The following CENPP variants were observed in gnomAD, a reference collection of about 807,000 sequenced individuals.
The protein encoded by CENPP is centromere protein P.
CENPP carries 24 observed loss-of-function variants against 35.6 expected under a neutral mutation model. That is an observed-to-expected ratio of 0.67 (90% CI 0.49 to 0.95). CENPP has a LOEUF of 0.95. Ranked by LOEUF, CENPP falls within the 40% of genes least tolerant of loss-of-function variation. The pLI, the probability that CENPP is intolerant of heterozygous loss-of-function variation, is 0.00. For synonymous variants in CENPP, 120 were observed against 125.5 expected, an observed-to-expected ratio of 0.96 and a Z score of 0.29; for missense variants, 332 against 345.3, an observed-to-expected ratio of 0.96 and a Z score of 0.31.
At chr9:92,577,015 A>C (rs1231734337) in intron 5 of CENPP, among the ~76,000 whole-genome samples, 3 of 152,238 alleles carry the variant, frequency 2.0e-5, no homozygotes, top group Admixed American at 1.3e-4. Context: ...TACCTACCAG[A>C]ATGGTGGGTA....
At chr9:92,591,084 T>G (rs1284040286) in intron 5 of CENPP, among the ~76,000 whole-genome samples, 5 of 152,166 alleles carry the variant, frequency 3.3e-5, no homozygotes, top group Non-Finnish European at 7.4e-5. Context: ...AAAACATTAT[T>G]CAGAGCACAC....
chr9:92,497,580 C>T (rs955131647), intron 5 of CENPP, among the ~76,000 whole-genome samples: 5 of 150,394 alleles, frequency 3.3e-5, no homozygotes, highest in African/African-American at 1.2e-4. Context: ...GCTGAGATCA[C>T]GCCGTTGCAC....
intron 3 of CENPP, among the ~76,000 whole-genome samples, chr9:92,338,911 G>GC (rs1259016867): frequency 6.6e-6 from 1 of 152,186 alleles, no homozygotes; most frequent in Non-Finnish European, 1.5e-5. Flanking sequence ...ATATCAGGAA[G>GC]CAGGAAAGCG....
chr9:92,332,266 A>G lies in CENPP; in HGVS notation c.204A>G (p.Ser68=). 6.2e-7 allele frequency: 1 copy of G among 1,613,216 alleles called. No homozygotes were observed. Among genetic ancestry groups the G allele is most frequent in the Non-Finnish European group, 8.5e-7 (1 of 1,179,496 alleles). The part of the protein sequence containing the change: ...NQLGHLESEL[S]FLSTLTGINI... ...TTGGACATTTAGAATCAGAACTTTC[A>G]TTTCTAAGTACGCTTACTGGCATCA... The change falls in exon 2 of 8, where the codon TCA becomes TCG. Residue 68 remains serine (S), a synonymous_variant. Coordinates refer to ENST00000375587, the MANE Select transcript of CENPP (RefSeq NM_001012267.3).
intron 5 of CENPP, among the ~76,000 whole-genome samples, chr9:92,516,072 T>TCCCCCCCCCC (rs76297691): frequency 7.2e-5 from 10 of 139,774 alleles, no homozygotes; most frequent in African/African-American, 1.3e-4. Context: ...TACTTTTTTT[T>TCCCCCCCCCC]CCCCCCCCCG....
chr9:92,421,248 C>T (rs926881668), intron 5 of CENPP, among the ~76,000 whole-genome samples: 1 of 152,136 alleles, frequency 6.6e-6, no homozygotes, highest in Non-Finnish European at 1.5e-5. Flanking sequence ...CCATGTTGCT[C>T]AGGCTGGTCA....
chr9:92,516,765 A>G (rs772788561), intron 5 of CENPP: 30 of 152,192 alleles, frequency 2.0e-4, no homozygotes, highest in Non-Finnish European at 3.1e-4. Context: ...TTCATTGAAC[A>G]CTTTTTTCCT....
chr9:92,616,163 T>C lies in CENPP; in HGVS notation c.*3014T>C, dbSNP rs1851426115. 1 of 752,314 alleles carries C rather than the reference T, an allele frequency of 1.3e-6. No individual in the cohort carries two copies. Among genetic ancestry groups the C allele is most frequent in the Admixed American group, 2.8e-5 (1 of 35,148 alleles). 46.6% of individuals were successfully genotyped at this position (752,314 alleles called of 1,614,324 possible). ...TTCAACTAGTATGTTTTTATGTTTT[T>C]TCTTTGACTTCTGCAAAGTTAGATA... On this transcript the variant is annotated 3_prime_UTR_variant, in exon 8 of 8. Coordinates refer to ENST00000375587, the MANE Select transcript of CENPP (RefSeq NM_001012267.3).
intron 5 of CENPP, among the ~76,000 whole-genome samples, chr9:92,413,731 G>A (rs1468514467): frequency 1.3e-5 from 2 of 152,064 alleles, no homozygotes; most frequent in Non-Finnish European, 1.5e-5. Flanking sequence ...CCCTATATAA[G>A]AAAGGACTTG....
At chr9:92,577,759 G>A (rs952737691) in intron 5 of CENPP, among the ~76,000 whole-genome samples, 4 of 152,100 alleles carry the variant, frequency 2.6e-5, no homozygotes, top group East Asian at 1.9e-4. Flanking sequence ...AGTCTGGCCC[G>A]GGCAACACAG....
At chr9:92,600,392 G>A in intron 5 of CENPP, 1 of 1,603,630 alleles carries the variant, frequency 6.2e-7, no homozygotes. Context: ...AGTAGAGTGG[G>A]TCTCTTTCAA....
At chr9:92,548,100 A>T (rs977588456) in intron 5 of CENPP, among the ~76,000 whole-genome samples, 23 of 152,216 alleles carry the variant, frequency 1.5e-4, no homozygotes, top group African/African-American at 4.1e-4. Flanking sequence ...AATATATAAA[A>T]ATAAATAGTG....
chr9:92,402,332 AAAAAG>A (rs1325925048), intron 5 of CENPP, among the ~76,000 whole-genome samples: 1 of 152,194 alleles, frequency 6.6e-6, no homozygotes, highest in African/African-American at 2.4e-5. Context: ...TACCCCTGCA[AAAAAG>A]AAAAGAGAAA....
intron 5 of CENPP, among the ~76,000 whole-genome samples, chr9:92,418,234 G>A (rs539980404): frequency 3.9e-5 from 6 of 151,950 alleles, no homozygotes; most frequent in South Asian, 2.1e-4. Flanking sequence ...CTACAGGCGC[G>A]TGCCACCACG....
Position 92,419,574 on chromosome 9 carries a change from C to T in CENPP, c.564+39715C>T, listed in dbSNP as rs148657249. Among the ~76,000 whole-genome samples the T allele has an allele frequency of 2.5e-3, 379 of 152,228 alleles. 1 individual carries two copies. Among genetic ancestry groups the T allele is most frequent in the African/African-American group, 8.7e-3 (361 of 41,524 alleles). The stretch of plus-strand genomic sequence containing the variant: ...TTGGGCTCCCAAAGTGCTGGGATTA[C>T]GGGCGTGAGCCACTGCATCCAGCCT... On this transcript the variant is annotated intron_variant, in intron 5 of 7. Coordinates refer to ENST00000375587, the MANE Select transcript of CENPP (RefSeq NM_001012267.3).
chr9:92,486,184 C>A (rs1039599749), intron 5 of CENPP, among the ~76,000 whole-genome samples: 12 of 152,076 alleles, frequency 7.9e-5, no homozygotes, highest in African/African-American at 2.9e-4. Flanking sequence ...CATGCAAACA[C>A]CCACTTTAAG....
At chr9:92,589,686 T>A (rs1850623634) in intron 5 of CENPP, among the ~76,000 whole-genome samples, 1 of 152,210 alleles carries the variant, frequency 6.6e-6, no homozygotes, top group Non-Finnish European at 1.5e-5. Flanking sequence ...TTTTAATGGG[T>A]GTGAAGTGAT....
rs574473103 is a variant in CENPP, at chr9:92,485,348, G to A, written c.564+105489G>A. Reference sequence around the variant, plus strand: ...TAGTCTAAATATTGAAGAACTAGTTGCATTATAACAGTATATTTAGGAATC... The same window carrying A: ...TAGTCTAAATATTGAAGAACTAGTTACATTATAACAGTATATTTAGGAATC... On this transcript the variant is annotated intron_variant, in intron 5 of 7. Transcript: ENST00000375587. 1.8e-4 allele frequency among the ~76,000 whole-genome samples: 28 copies of A among 152,200 alleles called. No homozygotes were observed. The South Asian group carries it at 5.8e-3, about 32-fold the overall frequency.
intron 5 of CENPP, among the ~76,000 whole-genome samples, chr9:92,510,984 G>GC (rs2131190093): frequency 6.6e-6 from 1 of 152,296 alleles, no homozygotes; most frequent in Admixed American, 6.5e-5. Context: ...CCAGAAGACT[G>GC]CCCAAGGGAG....
Sources: allele counts gnomAD v4.1 joint callset (sites outside exome capture counted in the v4.1 genomes callset), GRCh38; gene constraint gnomAD v4.1.1; transcripts MANE v1.5; gene names NCBI Gene and HGNC (gene_info 2026-07-23, HGNC 2026-07-21).